Variants in TAFA2 observed in about 807,000 individuals in gnomAD.
TAFA2 encodes the protein chemokine-like protein TAFA-2.
A neutral mutation model predicts 18.8 loss-of-function variants in TAFA2; 7 were observed. The observed-to-expected ratio is 0.37, with a 90% CI of 0.21 to 0.70. The LOEUF (loss-of-function observed/expected upper bound fraction) is 0.70. Among genes scored for constraint, TAFA2 ranks in the 30% least tolerant of loss-of-function variants. The pLI is 0.53. For missense variants in TAFA2, 122 were observed against 158.1 expected, an observed-to-expected ratio of 0.77 and a Z score of 1.23; for synonymous variants, 60 against 54.2, an observed-to-expected ratio of 1.11 and a Z score of -0.47.
At chr12:61,860,354 T>C (rs113106410) in intron 2 of TAFA2, among the ~76,000 whole-genome samples, 3,112 of 152,290 alleles carry the variant, frequency 0.02, 89 homozygotes, top group African/African-American at 0.07. Flanking sequence ...GCTATTTTTC[T>C]TTCTCTTAGG....
intron 1 of TAFA2, among the ~76,000 whole-genome samples, chr12:62,022,844 G>A (rs1881190601): frequency 6.6e-6 from 1 of 152,190 alleles, no homozygotes; most frequent in Admixed American, 6.5e-5. Context: ...GGGAAGATAT[G>A]AGTGTATACC....
chr12:62,081,379 G>T (rs893392472), intron 1 of TAFA2, among the ~76,000 whole-genome samples: 1 of 115,422 alleles, frequency 8.7e-6, no homozygotes, highest in Non-Finnish European at 1.8e-5. Context: ...AAAAAACCCT[G>T]AGTCTGAGAA....
At chr12:62,082,911 CA>C (rs1443384461) in intron 1 of TAFA2, among the ~76,000 whole-genome samples, 2 of 152,174 alleles carry the variant, frequency 1.3e-5, no homozygotes, top group African/African-American at 4.8e-5. Context: ...CATTGCTCTA[CA>C]GTGATTTTTT....
intron 2 of TAFA2, among the ~76,000 whole-genome samples, chr12:61,814,726 T>C (rs1422351069): frequency 6.6e-6 from 1 of 151,092 alleles, no homozygotes; most frequent in East Asian, 1.9e-4. Context: ...TCTCAGTGGG[T>C]CCAATGTAAT....
At chr12:62,168,583 C>T (rs929838527) in intron 1 of TAFA2, among the ~76,000 whole-genome samples, 2 of 152,072 alleles carry the variant, frequency 1.3e-5, no homozygotes, top group African/African-American at 2.4e-5. Flanking sequence ...GCTTACAATC[C>T]CAGAACTTTG....
intron 4 of TAFA2, among the ~76,000 whole-genome samples, chr12:61,747,441 G>T (rs1480305496): frequency 6.9e-6 from 1 of 145,608 alleles, no homozygotes; most frequent in African/African-American, 2.6e-5. Context: ...CATTATTCAC[G>T]ATAGCAAAGA....
At chr12:61,733,977 G>A (rs1868262391) in intron 4 of TAFA2, among the ~76,000 whole-genome samples, 1 of 148,264 alleles carries the variant, frequency 6.7e-6, no homozygotes, top group Non-Finnish European at 1.5e-5. Context: ...TCTCCTTGAA[G>A]AGGTCCTTCA....
chr12:61,885,351 A>T (rs980328052), intron 1 of TAFA2, among the ~76,000 whole-genome samples: 3 of 152,220 alleles, frequency 2.0e-5, no homozygotes, highest in African/African-American at 7.2e-5. Flanking sequence ...AGGGAGAAGA[A>T]TGACATAGTG....
At chr12:61,792,606 C>A (rs1871028316) in intron 2 of TAFA2, among the ~76,000 whole-genome samples, 2 of 148,702 alleles carry the variant, frequency 1.3e-5, no homozygotes, top group South Asian at 4.3e-4. Context: ...ACATACCATG[C>A]AAACACTAAA....
intron 2 of TAFA2, among the ~76,000 whole-genome samples, chr12:61,772,417 C>T (rs1308350860): frequency 2.0e-5 from 3 of 151,692 alleles, no homozygotes; most frequent in Non-Finnish European, 4.4e-5. Context: ...CAGGAAAGGA[C>T]ATAACTAAAA....
At chr12:61,879,900 T>G (rs1875042695) in intron 1 of TAFA2, 1 of 916,458 alleles carries the variant, frequency 1.1e-6, no homozygotes, top group Non-Finnish European at 1.8e-6. Flanking sequence ...GAGAATGAAT[T>G]TGTCCTCATC....
intron 2 of TAFA2, among the ~76,000 whole-genome samples, chr12:61,839,331 G>A (rs925412021): frequency 2.6e-5 from 4 of 152,048 alleles, no homozygotes; most frequent in African/African-American, 9.7e-5. Context: ...AAGGAAGAAA[G>A]CAATTTGGAG....
At chr12:61,752,700 A>T (rs898608920) in intron 4 of TAFA2, among the ~76,000 whole-genome samples, 1 of 152,072 alleles carries the variant, frequency 6.6e-6, no homozygotes, top group African/African-American at 2.4e-5. Flanking sequence ...ACTAAATTAC[A>T]TATCTAGATG....
intron 1 of TAFA2, among the ~76,000 whole-genome samples, chr12:61,885,441 A>G (rs1875332755): frequency 6.6e-6 from 1 of 152,240 alleles, no homozygotes; most frequent in Non-Finnish European, 1.5e-5. Context: ...TTGTATAAAA[A>G]TAATCAAGTT....
chr12:62,180,078 T>C (rs1395832005), intron 1 of TAFA2, among the ~76,000 whole-genome samples: 1 of 152,220 alleles, frequency 6.6e-6, no homozygotes, highest in Non-Finnish European at 1.5e-5. Context: ...CCAGTTTTCC[T>C]AGTAGTGTAA....
intron 1 of TAFA2, among the ~76,000 whole-genome samples, chr12:61,946,057 T>C: frequency 7.7e-6 from 1 of 129,518 alleles, no homozygotes; most frequent in African/African-American, 3.2e-5. Context: ...CTTCAAACTA[T>C]ACTACAAGGC....
chr12:61,938,146 A>T (rs1277091597), intron 1 of TAFA2, among the ~76,000 whole-genome samples: 1 of 151,806 alleles, frequency 6.6e-6, no homozygotes, highest in East Asian at 1.9e-4. Context: ...CAAAGATAAA[A>T]TACAATAGAT....
chr12:62,149,882 G>T (rs141450746), intron 1 of TAFA2, among the ~76,000 whole-genome samples: 119 of 152,192 alleles, frequency 7.8e-4, no homozygotes, highest in African/African-American at 2.7e-3. Flanking sequence ...TGCCTTATTT[G>T]TGAAATTGCT....
intron 1 of TAFA2, among the ~76,000 whole-genome samples, chr12:62,117,917 A>T (rs1870029595): frequency 6.6e-6 from 1 of 152,146 alleles, no homozygotes. Flanking sequence ...AATTGGATTA[A>T]TAATAATCCG....
Sources: allele counts gnomAD v4.1 joint callset (sites outside exome capture counted in the v4.1 genomes callset), GRCh38; gene constraint gnomAD v4.1.1; transcripts MANE v1.5; gene names NCBI Gene and HGNC (gene_info 2026-07-23, HGNC 2026-07-21).